Variants in ZNF91 observed in about 807,000 individuals in gnomAD.
The protein encoded by ZNF91 is zinc finger protein 91.
Under a neutral mutation model 12.6 loss-of-function variants are expected in ZNF91, and 7 were observed. That is an observed-to-expected ratio of 0.55 (90% CI 0.31 to 1.04). The LOEUF is 1.04. Ranked by LOEUF, ZNF91 falls within the 50% of genes least tolerant of loss-of-function variation. ZNF91 has a pLI of 0.05. For missense variants in ZNF91, 1,217 were observed against 1,385.4 expected (o/e 0.88, Z 1.93); for synonymous variants, 453 against 462.6 (o/e 0.98, Z 0.27).
intron 3 of ZNF91, among the ~76,000 whole-genome samples, chr19:23,373,346 T>TATATATATA (rs1491403502): frequency 4.7e-5 from 4 of 85,802 alleles, no homozygotes; most frequent in Non-Finnish European, 5.3e-5. Context: ...TCATGTAATC[T>TATATATATA]TATATATATA....
At position 23,360,904 on chromosome 19, in the gene ZNF91, T is replaced by A; in HGVS notation, c.2075A>T (p.Asp692Val). Residue 692 changes from aspartate (D) to valine (V), a missense_variant, in exon 4 of 4, where the codon GAC (aspartate) becomes GTC (valine). Transcript: ENST00000300619. Reference protein sequence around the residue: ...EEKPYKCKECDKTFKRLSTLT... With the variant: ...EEKPYKCKECVKTFKRLSTLT... The stretch of plus-strand genomic sequence containing the variant: ...GGTTGAGAGTCGCTTAAAAGTTTTG[T>A]CACATTCTTTACATTTGTAGGGTTT... 6.2e-7 allele frequency: 1 copy of A among 1,613,398 alleles called. No individual in the cohort carries two copies. The highest frequency in any genetic ancestry group is 8.5e-7 in the Non-Finnish European group (1 of 1,179,760).
intron 1 of ZNF91, among the ~76,000 whole-genome samples, chr19:23,329,307 G>C (rs1820676): frequency 0.19 from 28,670 of 152,058 alleles, 2,930 homozygotes; most frequent in Non-Finnish European, 0.21. Context: ...AAGAGACTTC[G>C]GGTAGGAAGC....
At chr19:23,307,305 T>G (rs1010534534) in intron 3 of ZNF91, 5 of 152,176 alleles carry the variant, frequency 3.3e-5, no homozygotes, top group African/African-American at 1.2e-4. Context: ...GATGTGACTC[T>G]GCTCTCTTAC....
chr19:23,313,913 G>A (rs1166161727), upstream of ZNF91, among the ~76,000 whole-genome samples: 1 of 152,100 alleles, frequency 6.6e-6, no homozygotes, highest in Non-Finnish European at 1.5e-5. Context: ...AGAGGTGTTT[G>A]CTCTCATAGC....
At chr19:23,347,215 T>A (rs295385) in intron 3 of ZNF91, among the ~76,000 whole-genome samples, 45,124 of 151,900 alleles carry the variant, frequency 0.3, 7,124 homozygotes, top group African/African-American at 0.4. Context: ...TAGCAGCCAG[T>A]CAACAGATCA....
intron 1 of ZNF91, 64 bp downstream of exon 1, chr19:23,395,261 C>A: frequency 6.3e-7 from 1 of 1,591,486 alleles, no homozygotes; most frequent in Non-Finnish European, 8.6e-7. Flanking sequence ...TCGCCACAGC[C>A]GCATCCCACC....
chr19:23,371,566 A>G (rs1481619248), intron 3 of ZNF91, among the ~76,000 whole-genome samples: 8 of 152,210 alleles, frequency 5.3e-5, no homozygotes, highest in Non-Finnish European at 1.2e-4. Flanking sequence ...AAAACCAAAA[A>G]ACAATAAACT....
chr19:23,351,369 T>C (rs1240793149), intron 3 of ZNF91, among the ~76,000 whole-genome samples: 3 of 151,714 alleles, frequency 2.0e-5, no homozygotes, highest in Non-Finnish European at 4.4e-5. Context: ...AGAAAAATGC[T>C]TTCAATACTT....
At chr19:23,343,799 C>G (rs924513321) in intron 3 of ZNF91, among the ~76,000 whole-genome samples, 3 of 152,188 alleles carry the variant, frequency 2.0e-5, no homozygotes, top group Non-Finnish European at 2.9e-5. Context: ...TTCCAGCAAC[C>G]CACCACTCGC....
At chr19:23,352,526 G>A (rs889759925) in intron 3 of ZNF91, among the ~76,000 whole-genome samples, 2 of 152,106 alleles carry the variant, frequency 1.3e-5, no homozygotes, top group Admixed American at 1.3e-4. Flanking sequence ...TGGAGACAGA[G>A]CAAGACTCTG....
chr19:23,320,015 G>C (rs1967653831), intron 1 of ZNF91, among the ~76,000 whole-genome samples: 1 of 152,090 alleles, frequency 6.6e-6, no homozygotes, highest in African/African-American at 2.4e-5. Context: ...GTCATCACAG[G>C]TCCAAGGACA....
At chr19:23,393,521 A>C (rs1970137033) in intron 1 of ZNF91, among the ~76,000 whole-genome samples, 1 of 152,178 alleles carries the variant, frequency 6.6e-6, no homozygotes, top group Non-Finnish European at 1.5e-5. Context: ...ACAGTTTCCA[A>C]AAGGAAAACC....
chr19:23,340,356 G>A (rs1382186170), intron 3 of ZNF91, among the ~76,000 whole-genome samples: 1 of 151,974 alleles, frequency 6.6e-6, no homozygotes, highest in Non-Finnish European at 1.5e-5. Flanking sequence ...ACATTACAAT[G>A]GATACAACAG....
downstream of ZNF91, among the ~76,000 whole-genome samples, chr19:23,337,459 T>C (rs1175223755): frequency 1.4e-5 from 2 of 140,248 alleles, no homozygotes; most frequent in African/African-American, 5.6e-5. Flanking sequence ...ATAAACATTA[T>C]GGTAATAACT....
intron 3 of ZNF91, among the ~76,000 whole-genome samples, chr19:23,350,526 G>A (rs768883099): frequency 3.3e-5 from 5 of 152,132 alleles, no homozygotes; most frequent in East Asian, 1.9e-4. Flanking sequence ...TTTATTTTGC[G>A]AAGGTGCCCA....
chr19:23,366,980 C>T (rs927833053), intron 3 of ZNF91, among the ~76,000 whole-genome samples: 9 of 152,202 alleles, frequency 5.9e-5, no homozygotes, highest in African/African-American at 9.7e-5. Flanking sequence ...TGTTACGACA[C>T]ATACTAAGTT....
At chr19:23,313,938 G>A (rs1186414113), upstream of ZNF91, among the ~76,000 whole-genome samples, 1 of 152,078 alleles carries the variant, frequency 6.6e-6, no homozygotes, top group African/African-American at 2.4e-5. Flanking sequence ...ACAGGGACAC[G>A]TGTAGGATCT....
Position 23,395,335 on chromosome 19 carries a change from C to T in ZNF91, c.20G>A (p.Ser7Asn), listed in dbSNP as rs979973713. 4 of 1,614,016 alleles carry T rather than the reference C, an allele frequency of 2.5e-6. No homozygotes were observed. The highest frequency in any genetic ancestry group is 3.4e-6 in the Non-Finnish European group (4 of 1,179,938). The change falls in exon 1 of 4, where the codon AGC becomes AAC. Residue 7 changes from serine (S) to asparagine (N), a missense_variant. Coordinates refer to ENST00000300619, the MANE Select transcript of ZNF91 (RefSeq NM_003430.4). ...ACCTGGCAGTCTCACCATTTCTAGG[C>T]TTCCAGGGGTTCCTGGCATCTTAGC... is the stretch of plus-strand genomic sequence containing the variant. MPGTPG[S>N]LEMGLLTFRD...
downstream of ZNF91, among the ~76,000 whole-genome samples, chr19:23,353,698 C>A (rs1968420639): frequency 6.6e-6 from 1 of 151,860 alleles, no homozygotes; most frequent in African/African-American, 2.4e-5. Context: ...ACTGATAGAC[C>A]ATTAGCAAGA....
Sources: gnomAD v4.1 joint callset for allele counts (sites outside exome capture counted in the v4.1 genomes callset) on GRCh38, gnomAD v4.1.1 for gene constraint, MANE v1.5 for transcripts, NCBI Gene and HGNC (gene_info 2026-07-23, HGNC 2026-07-21) for gene names.